The following C17orf75 variants were observed in gnomAD, a reference collection of about 807,000 sequenced individuals.
The protein encoded by C17orf75 is chromosome 17 open reading frame 75.
In C17orf75, 32 loss-of-function variants were observed where a neutral mutation model predicts 49.6. The ratio of observed to expected loss-of-function variants is 0.65; its 90% CI spans 0.49 to 0.87. The LOEUF (loss-of-function observed/expected upper bound fraction) is 0.87, where lower values mean the gene tolerates loss of function less well. C17orf75 is among the 40% of genes least tolerant of loss of function. C17orf75 has a pLI of 0.00. For missense variants in C17orf75, 428 were observed against 473.9 expected, an observed-to-expected ratio of 0.90 and a Z score of 0.90; for synonymous variants, 158 against 159.5, an observed-to-expected ratio of 0.99 and a Z score of 0.07.
intron 1 of C17orf75, among the ~76,000 whole-genome samples, chr17:32,349,602 G>T (rs1173202989): frequency 6.6e-6 from 1 of 151,972 alleles, no homozygotes; most frequent in Non-Finnish European, 1.5e-5. Flanking sequence ...ACAAAACAAA[G>T]AAAAACAAAA....
At chr17:32,342,186 T>C (rs775433891), upstream of C17orf75, 30 of 1,481,000 alleles carry the variant, frequency 2.0e-5, no homozygotes, top group South Asian at 3.4e-4. Flanking sequence ...ACCGCTCCCC[T>C]GCTCCCGTGC....
chr17:32,340,379 G>A (rs1482486913), intron 2 of C17orf75, among the ~76,000 whole-genome samples: 2 of 151,904 alleles, frequency 1.3e-5, no homozygotes, highest in African/African-American at 2.4e-5. Context: ...AGTGGCTCAC[G>A]CCTGTAATCT....
intron 4 of C17orf75, 90 bp downstream of exon 4, chr17:32,338,117 GA>G: frequency 1.3e-6 from 2 of 1,563,656 alleles, no homozygotes; most frequent in Non-Finnish European, 1.7e-6. Context: ...ACGAGGAGTA[GA>G]AAAGCTTTTT....
rs568333330 is a variant in C17orf75, at chr17:32,333,611, C to T, written c.872-91G>A. The T allele has an allele frequency of 1.9e-5, 23 of 1,204,964 alleles. No individual in the cohort carries two copies. The African/African-American group carries it at 3.1e-4, about 16-fold the overall frequency. The allele number at this position is 1,204,964 out of a possible 1,614,324, so 74.6% of individuals were successfully genotyped here. ...TGAGACGGGAGATTCGCTCTTGTTG[C>T]CCGGCTGGAGTGCAGCCGGAGTACT... On this transcript the variant is annotated intron_variant, in intron 8 of 9. Coordinates refer to ENST00000577809, the MANE Select transcript of C17orf75 (RefSeq NM_022344.4).
At position 32,338,081 on chromosome 17, in the gene C17orf75, T is replaced by C. The variant is rs1597735956; in HGVS notation, c.491+127A>G. ...AACAAGCCAAGGCAAAATGGCCACA[T>C]GAAGGTATGAAATTCAACTAAATAC... On this transcript the variant is annotated intron_variant, in intron 4 of 9. Coordinates refer to ENST00000577809, the MANE Select transcript of C17orf75 (RefSeq NM_022344.4). 2.0e-6 allele frequency: 3 copies of C among 1,513,336 alleles called. No homozygotes were observed. In the East Asian group the frequency reaches 6.8e-5, roughly 34 times the overall value. 93.7% of individuals were successfully genotyped at this position (1,513,336 alleles called of 1,614,324 possible). A position where few individuals can be genotyped will look rare whatever the true frequency, so the allele number is the denominator to read the frequency against.
chr17:32,334,755 T>C lies in C17orf75; in HGVS notation c.734+20A>G. 3.8e-6 allele frequency: 6 copies of C among 1,583,244 alleles called. No homozygotes were observed. The highest frequency in any genetic ancestry group is 5.2e-6 in the Non-Finnish European group (6 of 1,162,582). On this transcript the variant is annotated intron_variant, in intron 7 of 9. Transcript: ENST00000577809. ...TCTTGCTGTGGAAAAGCTTTTCTCT[T>C]TGAAAAAACTGTTCTTTACCTGTTA...
intron 5 of C17orf75, among the ~76,000 whole-genome samples, chr17:32,337,188 C>A (rs567987770): frequency 8.8e-4 from 134 of 152,144 alleles, no homozygotes; most frequent in Admixed American, 2.1e-3. Context: ...AGGCTGGGCA[C>A]AATGGCTCGT....
intron 1 of C17orf75, among the ~76,000 whole-genome samples, chr17:32,341,488 G>A (rs2041380006): frequency 1.3e-5 from 2 of 152,192 alleles, no homozygotes; most frequent in Admixed American, 6.6e-5. Flanking sequence ...ACGGGTGGAG[G>A]AAAGGCTAAA....
At position 32,349,183 on chromosome 17, in the gene C17orf75, TACCACG is replaced by T. The variant is rs1387871188; in HGVS notation, c.-7+753_-7+758del. ...CGCGCCCGGCTATCAGCTCCAGTCT[TACCACG>T]ATTAGTTTTTCACGTGCCCAGCCTC... On this transcript the variant is annotated intron_variant, in intron 1 of 8. Coordinates refer to the C17orf75 transcript ENST00000583774. Among the ~76,000 whole-genome samples the T allele has an allele frequency of 5.3e-5, 8 of 152,222 alleles. No homozygotes were observed. The East Asian group carries it at 5.8e-4, about 11-fold the overall frequency.
At chr17:32,344,142 C>T, upstream of C17orf75, 1 of 534,856 alleles carries the variant, frequency 1.9e-6, no homozygotes, top group South Asian at 2.3e-5. Context: ...GACTGAAAGC[C>T]AAATCTCACT....
chr17:32,344,002 TTTAATCC>T, upstream of C17orf75: 1 of 681,184 alleles, frequency 1.5e-6, no homozygotes, highest in Non-Finnish European at 2.7e-6. Context: ...ATATCGTGGG[TTTAATCC>T]TGGCACAGAA....
intron 5 of C17orf75, among the ~76,000 whole-genome samples, chr17:32,336,808 G>A (rs2041330320): frequency 6.6e-6 from 1 of 152,170 alleles, no homozygotes; most frequent in South Asian, 2.1e-4. Context: ...GTAGTCTTGT[G>A]AAACTTTCAG....
intron 8 of C17orf75, among the ~76,000 whole-genome samples, chr17:32,333,997 A>C (rs1258865805): frequency 6.6e-6 from 1 of 152,078 alleles, no homozygotes; most frequent in Non-Finnish European, 1.5e-5. Context: ...CCTTATCTAC[A>C]TTATTCTGCA....
At chr17:32,332,024 A>T (rs751928672) in intron 9 of C17orf75, 46 bp from the exon 10 acceptor site, 5 of 1,489,730 alleles carry the variant, frequency 3.4e-6, no homozygotes. Flanking sequence ...TGAAATAATA[A>T]TGAAGCTCAA....
chr17:32,341,342 T>C (rs1222403152), intron 1 of C17orf75, 58 bp from the exon 2 acceptor site: 1 of 1,568,762 alleles, frequency 6.4e-7, no homozygotes, highest in Admixed American at 1.7e-5. Context: ...AAGAGGAGTA[T>C]GGGGGCCTGG....
chr17:32,338,291 A>T lies in C17orf75; in HGVS notation c.408T>A (p.Pro136=). 6.2e-7 allele frequency: 1 copy of T among 1,612,242 alleles called. No homozygotes were observed. Among genetic ancestry groups the T allele is most frequent in the Non-Finnish European group, 8.5e-7 (1 of 1,179,344 alleles). ...YCLFQNEKLL[P]ETVTIDSERN... is the part of the protein sequence containing the mutation. ...GTTCAGAGTCTATCGTTACTGTTTC[A>T]GGAAGCAGTTTTTCATTTTGGAAAA... The change falls in exon 4 of 10, where the codon CCT becomes CCA. Residue 136 remains proline, a synonymous_variant. Transcript: ENST00000577809.
chr17:32,339,359 T>C (rs1408115018), intron 3 of C17orf75, among the ~76,000 whole-genome samples: 1 of 151,490 alleles, frequency 6.6e-6, no homozygotes, highest in Admixed American at 6.6e-5. Context: ...CTTTTCTTCT[T>C]CTAAGTACAA....
upstream of C17orf75, among the ~76,000 whole-genome samples, chr17:32,346,656 T>C (rs964598870): frequency 6.6e-6 from 1 of 152,080 alleles, no homozygotes; most frequent in Admixed American, 6.6e-5. Context: ...CACTGCAACC[T>C]CTGCCTCCCA....
At chr17:32,337,318 C>T (rs974748216) in intron 5 of C17orf75, among the ~76,000 whole-genome samples, 3 of 151,944 alleles carry the variant, frequency 2.0e-5, no homozygotes, top group African/African-American at 4.8e-5. Flanking sequence ...CAAAAGTTAG[C>T]CAGGCGTGTT....
Sources: gnomAD v4.1 joint callset for allele counts (sites outside exome capture counted in the v4.1 genomes callset) on GRCh38, gnomAD v4.1.1 for gene constraint, MANE v1.5 for transcripts, NCBI Gene and HGNC (gene_info 2026-07-23, HGNC 2026-07-21) for gene names.